Variants in TENM1 observed in about 807,000 individuals in gnomAD.
TENM1 encodes the protein teneurin transmembrane protein 1, also known as teneurin-1.
In TENM1, 35 loss-of-function variants were observed where a neutral mutation model predicts 174.8. The observed-to-expected ratio is 0.20, with a 90% CI of 0.15 to 0.27. TENM1 has a LOEUF of 0.27. TENM1 is among the 10% of genes least tolerant of loss of function. TENM1 has a pLI of 1.00. For synonymous variants in TENM1, 781 were observed against 798.7 expected (o/e 0.98, Z 0.37); for missense variants, 1,633 against 2,130.1 (o/e 0.77, Z 4.59).
intron 25 of TENM1, among the ~76,000 whole-genome samples, chrX:124,409,286 C>A (rs1417544751): frequency 9.0e-6 from 1 of 111,336 alleles, no homozygotes; most frequent in Non-Finnish European, 1.9e-5. Context: ...AGTCCCACCA[C>A]CAGTGTAAAA....
At chrX:124,757,632 C>G (rs1405651483) in intron 3 of TENM1, among the ~76,000 whole-genome samples, 2 of 112,279 alleles carry the variant, frequency 1.8e-5, no homozygotes, top group Non-Finnish European at 3.8e-5. Context: ...ATTCGGCCAT[C>G]TTTGTCACTC....
At chrX:125,086,491 T>C in the TENM1 span, among the ~76,000 whole-genome samples, 3 of 111,364 alleles carry the variant, frequency 2.7e-5, no homozygotes, top group South Asian at 7.5e-4. Flanking sequence ...TTCTACTTTA[T>C]GTTTCTCGAA....
At chrX:124,981,250 G>A in the TENM1 span, among the ~76,000 whole-genome samples, 4 of 111,285 alleles carry the variant, frequency 3.6e-5, no homozygotes, top group South Asian at 7.6e-4. Context: ...CAAAAACCCC[G>A]GTTTTATTAC....
intron 22 of TENM1, among the ~76,000 whole-genome samples, chrX:124,462,588 T>A (rs374864795): frequency 6.3e-5 from 7 of 110,868 alleles, no homozygotes; most frequent in African/African-American, 2.3e-4. Flanking sequence ...TCCAGTTCAT[T>A]GTGGTCTGTT....
intron 6 of TENM1, among the ~76,000 whole-genome samples, chrX:124,668,555 T>C (rs1163838748): frequency 9.0e-6 from 1 of 111,386 alleles, no homozygotes; most frequent in Non-Finnish European, 1.9e-5. Flanking sequence ...TGTAGGGACA[T>C]GGATGAAGCG....
chrX:125,144,848 C>T, the TENM1 span, among the ~76,000 whole-genome samples: 1 of 110,257 alleles, frequency 9.1e-6, no homozygotes, highest in Non-Finnish European at 1.9e-5. Context: ...AGCGATTCTC[C>T]TGCCTCAGCC....
chrX:124,820,391 T>G (rs960397352), intron 3 of TENM1, among the ~76,000 whole-genome samples: 5 of 111,629 alleles, frequency 4.5e-5, no homozygotes, highest in Admixed American at 2.9e-4. Context: ...ATTCAACTGA[T>G]GAGTAGAGAC....
chrX:124,767,112 G>A (rs1240651900), intron 3 of TENM1, among the ~76,000 whole-genome samples: 1 of 111,040 alleles, frequency 9.0e-6, no homozygotes, highest in Admixed American at 9.6e-5. Context: ...CATAAGCCAC[G>A]CACATCTGTG....
At chrX:124,898,610 T>C (rs2057603680) in intron 1 of TENM1, among the ~76,000 whole-genome samples, 1 of 110,453 alleles carries the variant, frequency 9.1e-6, no homozygotes, top group Non-Finnish European at 1.9e-5. Flanking sequence ...TGGAAAAGGT[T>C]GAGCAAATAA....
intron 15 of TENM1, among the ~76,000 whole-genome samples, chrX:124,541,642 G>A (rs908947972): frequency 1.8e-5 from 2 of 111,769 alleles, no homozygotes; most frequent in Non-Finnish European, 1.9e-5. Context: ...ATGTGAGAAT[G>A]ACCTAATACA....
At chrX:125,117,394 C>G in the TENM1 span, among the ~76,000 whole-genome samples, 2 of 112,016 alleles carry the variant, frequency 1.8e-5, no homozygotes, top group Non-Finnish European at 1.9e-5. Context: ...AGTTCTTGTG[C>G]TTTGCAGGGA....
chrX:124,858,272 C>T (rs2056849924), intron 3 of TENM1, among the ~76,000 whole-genome samples: 1 of 112,010 alleles, frequency 8.9e-6, no homozygotes, highest in African/African-American at 3.2e-5. Context: ...TTATATCTTC[C>T]AGACCCTTCA....
At chrX:125,109,186 TACACACAC>T in the TENM1 span, among the ~76,000 whole-genome samples, 5 of 111,431 alleles carry the variant, frequency 4.5e-5, no homozygotes, top group African/African-American at 1.6e-4. Context: ...CGCACACACT[TACACACAC>T]AGACGTATGC....
chrX:124,931,947 G>A (rs2147719758), intron 1 of TENM1, among the ~76,000 whole-genome samples: 1 of 110,812 alleles, frequency 9.0e-6, no homozygotes, highest in African/African-American at 3.3e-5. Context: ...CATAGTAATT[G>A]TTTCGCCTTT....
chrX:124,553,262 TGA>T (rs1455496741), intron 14 of TENM1, among the ~76,000 whole-genome samples: 62 of 468 alleles, frequency 0.13, no homozygotes, highest in African/African-American at 0.34. Context: ...TTTGGGAGAC[TGA>T]GGGGGGGGGT....
chrX:124,565,425 T>C (rs376866346), exon 12 of TENM1: 5 of 1,209,548 alleles, frequency 4.1e-6, no homozygotes, highest in Non-Finnish European at 5.6e-6. Context: ...ACATTTTCCA[T>C]CTTTGCATTG....
chrX:124,758,995 C>G (rs562992710), intron 3 of TENM1, among the ~76,000 whole-genome samples: 2 of 111,650 alleles, frequency 1.8e-5, no homozygotes, highest in South Asian at 3.8e-4. Flanking sequence ...GTACCATACA[C>G]TTAAAATTGG....
chrX:124,506,650 G>A (rs983808500), intron 18 of TENM1, among the ~76,000 whole-genome samples: 3 of 111,084 alleles, frequency 2.7e-5, no homozygotes, highest in African/African-American at 9.8e-5. Flanking sequence ...GGGTATTTTC[G>A]TATGTGGCTC....
At chrX:124,960,254 A>C (rs752991327) in intron 1 of TENM1, among the ~76,000 whole-genome samples, 127 of 111,928 alleles carry the variant, frequency 1.1e-3, no homozygotes, top group Non-Finnish European at 1.6e-3. Flanking sequence ...CTCTCTAGGA[A>C]TGTCCTTCTG....
Sources: allele counts gnomAD v4.1 joint callset (sites outside exome capture counted in the v4.1 genomes callset), GRCh38; gene constraint gnomAD v4.1.1; transcripts MANE v1.5; gene names NCBI Gene and HGNC (gene_info 2026-07-23, HGNC 2026-07-21).